Variants in LDLRAD3 observed in about 807,000 individuals in gnomAD.
LDLRAD3 encodes low density lipoprotein receptor class A domain containing 3, also known as low-density lipoprotein receptor class A domain-containing protein 3.
Under a neutral mutation model 29.4 loss-of-function variants are expected in LDLRAD3, and 20 were observed. The observed-to-expected ratio is 0.68, with a 90% CI of 0.48 to 0.99. The LOEUF (loss-of-function observed/expected upper bound fraction) is 0.99, where lower values mean the gene tolerates loss of function less well. LDLRAD3 is among the 50% of genes least tolerant of loss of function. The probability of loss-of-function intolerance (pLI) is 0.00; values close to 1 mark genes in which losing one functional copy is unlikely to be tolerated. For missense variants in LDLRAD3, 420 were observed against 454.3 expected, an observed-to-expected ratio of 0.92 and a Z score of 0.69; for synonymous variants, 157 against 192.7, an observed-to-expected ratio of 0.81 and a Z score of 1.53.
At chr11:36,171,014 A>G (rs868298128) in intron 4 of LDLRAD3, among the ~76,000 whole-genome samples, 5 of 152,010 alleles carry the variant, frequency 3.3e-5, no homozygotes, top group African/African-American at 7.2e-5. Context: ...GTTGGCCAGG[A>G]TGGTATCGAT....
chr11:36,215,903 G>A (rs564147755), intron 4 of LDLRAD3, among the ~76,000 whole-genome samples: 19 of 152,328 alleles, frequency 1.2e-4, no homozygotes, highest in South Asian at 2.1e-4. Context: ...GCAAGGGGCC[G>A]TGACAAACTC....
At chr11:35,973,260 G>C (rs563781781) in intron 1 of LDLRAD3, among the ~76,000 whole-genome samples, 1 of 152,068 alleles carries the variant, frequency 6.6e-6, no homozygotes, top group Non-Finnish European at 1.5e-5. Context: ...TATTCTGTGT[G>C]TATGGTTCAT....
chr11:35,995,694 G>A (rs1183034140), intron 1 of LDLRAD3, among the ~76,000 whole-genome samples: 1 of 152,210 alleles, frequency 6.6e-6, no homozygotes, highest in Non-Finnish European at 1.5e-5. Context: ...TCTGTTTTTA[G>A]TGTAGCCACT....
chr11:36,207,798 T>C (rs1198468333), intron 4 of LDLRAD3, among the ~76,000 whole-genome samples: 1 of 151,982 alleles, frequency 6.6e-6, no homozygotes, highest in Non-Finnish European at 1.5e-5. Flanking sequence ...TCCACCACAC[T>C]GGGGAAGGGA....
intron 4 of LDLRAD3, among the ~76,000 whole-genome samples, chr11:36,110,586 C>G (rs1490774867): frequency 6.6e-6 from 1 of 152,216 alleles, no homozygotes; most frequent in Non-Finnish European, 1.5e-5. Context: ...CTGTGGCTCT[C>G]AGCTCCCCAA....
At chr11:36,090,134 C>T (rs933205028) in intron 3 of LDLRAD3, among the ~76,000 whole-genome samples, 3 of 152,130 alleles carry the variant, frequency 2.0e-5, no homozygotes, top group African/African-American at 4.8e-5. Context: ...GGACTTCACA[C>T]TTTCACTTCT....
intron 2 of LDLRAD3, among the ~76,000 whole-genome samples, chr11:36,054,711 G>GTGGATGGATGGATGGATGGA (rs71044545): frequency 8.9e-5 from 13 of 146,220 alleles, no homozygotes; most frequent in African/African-American, 3.3e-4. Context: ...GGATGGGTGG[G>GTGGATGGATGGATGGATGGA]TGGATGGATG....
chr11:36,006,914 A>G (rs778380221), intron 1 of LDLRAD3, among the ~76,000 whole-genome samples: 1 of 152,162 alleles, frequency 6.6e-6, no homozygotes, highest in Non-Finnish European at 1.5e-5. Context: ...CTTTTAGCCC[A>G]AGAGGGAGGA....
chr11:35,955,776 A>T (rs1244033365), intron 1 of LDLRAD3, among the ~76,000 whole-genome samples: 1 of 152,240 alleles, frequency 6.6e-6, no homozygotes, highest in Non-Finnish European at 1.5e-5. Context: ...GGAAGGTTAA[A>T]ATATTTAGAG....
intron 1 of LDLRAD3, among the ~76,000 whole-genome samples, chr11:36,017,116 T>G (rs996194175): frequency 6.6e-6 from 1 of 152,224 alleles, no homozygotes; most frequent in Non-Finnish European, 1.5e-5. Flanking sequence ...GAAAAACATT[T>G]GCCTTTGAAA....
chr11:36,036,974 T>A (rs1287353081), intron 2 of LDLRAD3, among the ~76,000 whole-genome samples: 1 of 151,942 alleles, frequency 6.6e-6, no homozygotes, highest in Non-Finnish European at 1.5e-5. Context: ...TTGAGAGGGG[T>A]CCGTGGTGTC....
At chr11:36,014,490 G>T (rs918997513) in intron 1 of LDLRAD3, among the ~76,000 whole-genome samples, 2 of 152,316 alleles carry the variant, frequency 1.3e-5, no homozygotes, top group South Asian at 4.1e-4. Flanking sequence ...TGATGGTAAC[G>T]CCTGGAGTGC....
chr11:36,012,186 T>G lies in LDLRAD3; in HGVS notation c.47-23917T>G, dbSNP rs189994053. ...GAAACCGAATATAGTACCAAATTGC[T>G]GTCAACTGAAACCTATTTCTGTCCA... On this transcript the variant is annotated intron_variant, in intron 1 of 5. Coordinates refer to ENST00000315571, the MANE Select transcript of LDLRAD3 (RefSeq NM_174902.4). Among the ~76,000 whole-genome samples, 379 of 152,298 alleles carry G rather than the reference T, an allele frequency of 2.5e-3. 2 individuals are homozygous for G. The highest frequency in any genetic ancestry group is 8.0e-3 in the African/African-American group (332 of 41,552).
Position 36,036,199 on chromosome 11 carries a change from AGT to A in LDLRAD3, c.147_148del (p.Cys49Ter). 1 of 1,614,202 alleles carries A rather than the reference AGT, an allele frequency of 6.2e-7. No individual in the cohort carries two copies. The highest frequency in any genetic ancestry group is 8.5e-7 in the Non-Finnish European group (1 of 1,180,030). The stretch of plus-strand genomic sequence containing the variant: ...GGACGGTGCATCCCGGGCGCCTGGC[AGT>A]GTGACGGGCTGCCTGACTGCTTCGA... On this transcript the variant is annotated frameshift_variant, in exon 2 of 6. Transcript: ENST00000315571. LOFTEE classifies it high-confidence loss of function.
chr11:36,169,625 G>T, intron 4 of LDLRAD3, among the ~76,000 whole-genome samples: 1 of 152,152 alleles, frequency 6.6e-6, no homozygotes, highest in East Asian at 1.9e-4. Flanking sequence ...TACTGCAAAT[G>T]ACAGAATTTC....
intron 4 of LDLRAD3, among the ~76,000 whole-genome samples, chr11:36,166,915 A>C (rs1854524574): frequency 1.3e-5 from 2 of 152,198 alleles, no homozygotes; most frequent in African/African-American, 4.8e-5. Flanking sequence ...CCATATCTGT[A>C]CTGGGTTGAA....
intron 2 of LDLRAD3, among the ~76,000 whole-genome samples, chr11:36,060,197 A>G (rs997888514): frequency 6.6e-6 from 1 of 152,010 alleles, no homozygotes; most frequent in Non-Finnish European, 1.5e-5. Context: ...TACTAAAAAT[A>G]CAAAAAACTA....
intron 4 of LDLRAD3, among the ~76,000 whole-genome samples, chr11:36,164,769 G>A (rs1854491390): frequency 1.3e-5 from 2 of 152,242 alleles, no homozygotes; most frequent in South Asian, 2.1e-4. Flanking sequence ...GAAGCTTTGC[G>A]AGCAGGCAGC....
chr11:36,080,941 C>T (rs1853103349), intron 2 of LDLRAD3, among the ~76,000 whole-genome samples: 1 of 152,130 alleles, frequency 6.6e-6, no homozygotes, highest in African/African-American at 2.4e-5. Context: ...CACGTAGGCA[C>T]CCTCTGTTCA....
Sources: gnomAD v4.1 joint callset for allele counts (sites outside exome capture counted in the v4.1 genomes callset) on GRCh38, gnomAD v4.1.1 for gene constraint, MANE v1.5 for transcripts, NCBI Gene and HGNC (gene_info 2026-07-23, HGNC 2026-07-21) for gene names.